Variants in APOL5 observed in about 807,000 individuals in gnomAD.
APOL5 encodes apolipoprotein L5.
In APOL5, 29 loss-of-function variants were observed where a neutral mutation model predicts 35.5. The ratio of observed to expected loss-of-function variants is 0.82; its 90% CI spans 0.61 to 1.11. APOL5 has a LOEUF of 1.11. APOL5 is among the 50% of genes most tolerant of loss of function. APOL5 has a pLI of 0.00. For missense variants in APOL5, 514 were observed against 530.4 expected (o/e 0.97, Z 0.30); for synonymous variants, 188 against 200.2 (o/e 0.94, Z 0.51).
At chr22:35,727,653 G>A (rs1927217582) in intron 3 of APOL5, among the ~76,000 whole-genome samples, 1 of 152,196 alleles carries the variant, frequency 6.6e-6, no homozygotes, top group South Asian at 2.1e-4. Context: ...TCTGGGTGGC[G>A]ACAGCTGAGC....
rs749176300 is a variant in APOL5, at chr22:35,720,672, G to C, written c.142+18G>C. ...TGAGTTCCGTGAGGGCAGAGAACAG[G>C]CTGTTATGCTTATGGCCACAATCCC... On this transcript the variant is annotated intron_variant, in intron 2 of 4. Transcript: ENST00000249044. The C allele has an allele frequency of 1.3e-6, 2 of 1,550,198 alleles. No homozygotes were observed. Among genetic ancestry groups the C allele is most frequent in the Admixed American group, 3.4e-5 (2 of 59,200 alleles).
chr22:35,709,597 A>T, the APOL5 span, among the ~76,000 whole-genome samples: 5 of 152,158 alleles, frequency 3.3e-5, no homozygotes, highest in East Asian at 9.6e-4. Flanking sequence ...GCTCTTTTAT[A>T]TCTAGAAATA....
the APOL5 span, among the ~76,000 whole-genome samples, chr22:35,710,797 C>A: frequency 6.6e-6 from 1 of 152,134 alleles, no homozygotes; most frequent in Non-Finnish European, 1.5e-5. Context: ...AATCCTACGG[C>A]GTGTGTCCTT....
intron 1 of APOL5, among the ~76,000 whole-genome samples, chr22:35,718,591 C>T (rs1408199723): frequency 1.4e-5 from 1 of 72,820 alleles, no homozygotes; most frequent in East Asian, 3.9e-4. Flanking sequence ...GAGACCCCGT[C>T]TCAAAAAAAA....
At position 35,727,035 on chromosome 22, in the gene APOL5, A is replaced by G. The variant is rs766549938; in HGVS notation, c.967A>G (p.Thr323Ala). 2.9e-5 allele frequency: 46 copies of G among 1,614,024 alleles called. No individual in the cohort carries two copies. The highest frequency in any genetic ancestry group is 3.9e-5 in the Non-Finnish European group (46 of 1,179,978). ...SWKHLEDGAR[T>A]ETAEELRALA... ...GAAGCACCTGGAGGATGGGGCAAGG[A>G]CGGAGACAGCAGAGGAACTGAGAGC... The change falls in exon 3 of 5, where the codon ACG (threonine) becomes GCG (alanine). Residue 323 changes from threonine (T) to alanine (A), a missense_variant. Coordinates refer to ENST00000249044, the MANE Select transcript of APOL5 (RefSeq NM_030642.1).
In APOL5 at chr22:35,726,707, G is replaced by C. The variant is rs567891641; in HGVS notation, c.639G>C (p.Glu213Asp). Residue 213 changes from glutamate (E) to aspartate (D), a missense_variant, in exon 3 of 5, where the codon GAG (glutamate) becomes GAC (aspartate). Glu to Asp is a conservative substitution (Grantham distance 45). Transcript: ENST00000249044. ...SRLGPLTTSHEAFGGINWSEI... is the reference protein window; with the variant it reads ...SRLGPLTTSHDAFGGINWSEI... ...TGGGGCCTCTGACAACATCACATGA[G>C]GCTTTCGGAGGAATAAATTGGTCTG... is the stretch of plus-strand genomic sequence containing the variant. 1.9e-6 allele frequency: 3 copies of C among 1,614,210 alleles called. No individual in the cohort carries two copies. In the East Asian group the frequency reaches 6.7e-5, roughly 36 times the overall value.
the APOL5 span, among the ~76,000 whole-genome samples, chr22:35,709,621 A>G: frequency 6.6e-6 from 1 of 152,124 alleles, no homozygotes; most frequent in Non-Finnish European, 1.5e-5. Context: ...CTTCAATTTT[A>G]TCTTTAAATA....
upstream of APOL5, among the ~76,000 whole-genome samples, chr22:35,717,515 G>A (rs1482011249): frequency 2.6e-5 from 4 of 151,036 alleles, no homozygotes; most frequent in African/African-American, 7.3e-5. Flanking sequence ...CAAGGCGGGC[G>A]GATCACCTGA....
At position 35,728,384 on chromosome 22, in the gene APOL5, T is replaced by C. The variant is rs940700248; in HGVS notation, c.1127-339T>C. Among the ~76,000 whole-genome samples, 133 of 152,138 alleles carry C rather than the reference T, an allele frequency of 8.7e-4. 1 individual carries two copies. Among genetic ancestry groups the C allele is most frequent in the African/African-American group, 6.3e-4 (26 of 41,426 alleles). On this transcript the variant is annotated intron_variant, in intron 3 of 4. Coordinates refer to ENST00000249044, the MANE Select transcript of APOL5 (RefSeq NM_030642.1). ...GACTACAGGCGCCCGCCACGACGCC[T>C]GGCTAATTTTTTGTATTTTTAGTAG...
the APOL5 span, among the ~76,000 whole-genome samples, chr22:35,709,347 G>A: frequency 2.7e-5 from 4 of 149,072 alleles, no homozygotes; most frequent in Admixed American, 2.7e-4. Context: ...TCATACTAAG[G>A]TATAAAACAC....
chr22:35,723,514 C>T (rs1927043868), intron 2 of APOL5, among the ~76,000 whole-genome samples: 1 of 152,152 alleles, frequency 6.6e-6, no homozygotes, highest in Non-Finnish European at 1.5e-5. Context: ...TTTCGAACTA[C>T]AGGAAAAGTT....
chr22:35,726,873 C>T lies in APOL5; in HGVS notation c.805C>T (p.Pro269Ser). Residue 269 changes from proline to serine, a missense_variant, in exon 3 of 5, where the codon CCT (proline) becomes TCT (serine). Pro to Ser is a moderately conservative substitution (Grantham distance 74). Coordinates refer to ENST00000249044, the MANE Select transcript of APOL5 (RefSeq NM_030642.1). ...VKNFVAKRHI[P>S]FWTARGVQRA... is the part of the protein sequence containing the mutation. ...GAATTTTGTGGCCAAGAGACACATC[C>T]CTTTCTGGACGGCTAGAGGGGTGCA... The T allele has an allele frequency of 1.2e-6, 2 of 1,614,198 alleles. No homozygotes were observed. The highest frequency in any genetic ancestry group is 2.2e-5 in the South Asian group (2 of 91,086).
At chr22:35,723,167 CG>C (rs1298806528) in intron 2 of APOL5, among the ~76,000 whole-genome samples, 1 of 152,076 alleles carries the variant, frequency 6.6e-6, no homozygotes, top group Non-Finnish European at 1.5e-5. Context: ...CCTTTGAGGC[CG>C]TGGGGTTCCT....
At chr22:35,709,321 T>C in the APOL5 span, among the ~76,000 whole-genome samples, 1 of 152,110 alleles carries the variant, frequency 6.6e-6, no homozygotes, top group Non-Finnish European at 1.5e-5. Context: ...GAAGAACTAA[T>C]AGCATGCCAA....
upstream of APOL5, among the ~76,000 whole-genome samples, chr22:35,714,526 A>G (rs1926683112): frequency 6.6e-6 from 1 of 152,192 alleles, no homozygotes; most frequent in Non-Finnish European, 1.5e-5. Context: ...CAGTAGTAGC[A>G]GAAAAGGACA....
Position 35,726,795 on chromosome 22 carries a change from C to A in APOL5, c.727C>A (p.Leu243Ile). 1 of 1,614,224 alleles carries A rather than the reference C, an allele frequency of 6.2e-7. No individual in the cohort carries two copies. Among genetic ancestry groups the A allele is most frequent in the South Asian group, 1.1e-5 (1 of 91,090 alleles). ...AAAAGCTATCCAGGGCATCAAGGAT[C>A]TTCATGCCTACCAGATGGCCAAATC... ...CVKAIQGIKD[L>I]HAYQMAKSNS... The change falls in exon 3 of 5, where the codon CTT becomes ATT. Residue 243 changes from leucine (L) to isoleucine (I), a missense_variant. Coordinates refer to ENST00000249044, the MANE Select transcript of APOL5 (RefSeq NM_030642.1).
rs187677842 is a variant in APOL5 at position 35,725,426 on chromosome 22, T to C, written c.143-785T>C. 3.2e-3 allele frequency among the ~76,000 whole-genome samples: 484 copies of C among 152,258 alleles called. 2 individuals carry two copies. Among genetic ancestry groups the C allele is most frequent in the Non-Finnish European group, 4.4e-3 (300 of 68,006 alleles). On this transcript the variant is annotated intron_variant, in intron 2 of 4. Coordinates refer to ENST00000249044, the MANE Select transcript of APOL5 (RefSeq NM_030642.1). ...GACTACACCACACCCGGCTAACTTT[T>C]GTATTTTTAGTAGAGATGGGGTTTC... is the stretch of plus-strand genomic sequence containing the variant.
rs753644173 is a variant in APOL5 at position 35,728,781 on chromosome 22, C to T, written c.1185C>T (p.Gly395=). 16 of 1,613,406 alleles carry T rather than the reference C, an allele frequency of 9.9e-6. No homozygotes were observed. The African/African-American group carries it at 1.1e-4, about 11-fold the overall frequency. ...AGCACCAGCCTAGGCTGGGCCCTGG[C>T]GTGGCACTGAGGACACCAAAGAGGA... ...VVEHQPRLGP[G]VALRTPKRTV... Residue 395 remains glycine, a synonymous_variant, in exon 4 of 5, where the codon GGC becomes GGT. Transcript: ENST00000249044.
upstream of APOL5, among the ~76,000 whole-genome samples, chr22:35,713,413 G>A (rs145712007): frequency 5.4e-3 from 816 of 152,288 alleles, 9 homozygotes; most frequent in Non-Finnish European, 7.8e-3. Flanking sequence ...TCTCTCTGGG[G>A]TAGCTTCCTC....
Sources: gnomAD v4.1 joint callset for allele counts (sites outside exome capture counted in the v4.1 genomes callset) on GRCh38, gnomAD v4.1.1 for gene constraint, MANE v1.5 for transcripts, NCBI Gene and HGNC (gene_info 2026-07-23, HGNC 2026-07-21) for gene names.